The following CNTN5 variants were observed in gnomAD, a reference collection of about 807,000 sequenced individuals.
CNTN5 encodes contactin 5, also known as contactin-5.
A neutral mutation model predicts 129.1 loss-of-function variants in CNTN5; 77 were observed. The observed-to-expected ratio is 0.60, with a 90% CI of 0.50 to 0.72. The LOEUF (loss-of-function observed/expected upper bound fraction) is 0.72. Ranked by LOEUF, CNTN5 falls within the 30% of genes least tolerant of loss-of-function variation. The probability of loss-of-function intolerance (pLI) is 0.00; values close to 1 mark genes in which losing one functional copy is unlikely to be tolerated. For synonymous variants in CNTN5, 509 were observed against 465.6 expected, an observed-to-expected ratio of 1.09 and a Z score of -1.20; for missense variants, 1,478 against 1,328.8, an observed-to-expected ratio of 1.11 and a Z score of -1.75.
intron 4 of CNTN5, among the ~76,000 whole-genome samples, chr11:99,844,241 T>C (rs1346745172): frequency 6.6e-6 from 1 of 152,224 alleles, no homozygotes; most frequent in Non-Finnish European, 1.5e-5. Context: ...GACTATTTAG[T>C]TGTATAAAGT....
chr11:99,619,316 A>T (rs1950857320), intron 3 of CNTN5, among the ~76,000 whole-genome samples: 2 of 152,156 alleles, frequency 1.3e-5, no homozygotes, highest in Admixed American at 1.3e-4. Flanking sequence ...TTTAATTCTG[A>T]GTTTGTAAAA....
At chr11:99,552,308 A>C (rs1227612421) in intron 2 of CNTN5, among the ~76,000 whole-genome samples, 1 of 151,844 alleles carries the variant, frequency 6.6e-6, no homozygotes, top group Admixed American at 6.6e-5. Flanking sequence ...ATAATTGAAT[A>C]CTTTCTATGG....
chr11:99,780,629 T>C (rs1165965596), intron 3 of CNTN5, among the ~76,000 whole-genome samples: 1 of 152,050 alleles, frequency 6.6e-6, no homozygotes, highest in Non-Finnish European at 1.5e-5. Context: ...TAATGGACAA[T>C]ATTAAAATTT....
chr11:99,364,140 G>A (rs1383520773), intron 2 of CNTN5, among the ~76,000 whole-genome samples: 1 of 152,036 alleles, frequency 6.6e-6, no homozygotes, highest in Non-Finnish European at 1.5e-5. Context: ...ATACAATAAA[G>A]AGAAAAAGGT....
In CNTN5 at chr11:100,191,181, G is replaced by C. The variant is rs199944780; in HGVS notation, c.1636G>C (p.Glu546Gln). The C allele has an allele frequency of 5.0e-6, 8 of 1,611,686 alleles. No homozygotes were observed. In the South Asian group the frequency reaches 8.8e-5, roughly 18 times the overall value. ...LRILNASKSD[E>Q]GKYVCRGENV... The stretch of plus-strand genomic sequence containing the variant: ...GATCCTAAATGCTTCCAAATCAGAC[G>C]AGGGAAAGTACGTTTGCCGAGGGGA... Residue 546 changes from glutamate (E) to glutamine (Q), a missense_variant, in exon 14 of 25, where the codon GAG becomes CAG. Physicochemically the swap from Glu to Gln is conservative, Grantham distance 29. Transcript: ENST00000524871.
chr11:99,610,365 C>G (rs1565345827), intron 3 of CNTN5, among the ~76,000 whole-genome samples: 1 of 152,098 alleles, frequency 6.6e-6, no homozygotes, highest in Non-Finnish European at 1.5e-5. Flanking sequence ...TATAGATTCT[C>G]AGTCCCACAC....
chr11:100,042,834 C>T (rs576500613), intron 9 of CNTN5, among the ~76,000 whole-genome samples: 173 of 152,234 alleles, frequency 1.1e-3, no homozygotes, highest in Admixed American at 2.9e-3. Flanking sequence ...GCATCATCCT[C>T]GGTATGATAT....
At chr11:100,190,316 T>C (rs1948441292) in intron 13 of CNTN5, among the ~76,000 whole-genome samples, 1 of 152,084 alleles carries the variant, frequency 6.6e-6, no homozygotes, top group African/African-American at 2.4e-5. Flanking sequence ...GTCGATGCAC[T>C]GGTGAAATAA....
chr11:100,042,048 G>T (rs186954630), intron 9 of CNTN5, among the ~76,000 whole-genome samples: 8 of 152,190 alleles, frequency 5.3e-5, no homozygotes, highest in African/African-American at 1.9e-4. Flanking sequence ...CGACAATGTG[G>T]TCCCCTGCCT....
chr11:100,017,065 C>A (rs1201446367), intron 9 of CNTN5, among the ~76,000 whole-genome samples: 1 of 151,808 alleles, frequency 6.6e-6, no homozygotes, highest in Non-Finnish European at 1.5e-5. Context: ...CATTTTTATT[C>A]CCACTTTTCT....
intron 18 of CNTN5, among the ~76,000 whole-genome samples, chr11:100,276,009 A>T (rs548544250): frequency 6.6e-6 from 1 of 152,202 alleles, no homozygotes; most frequent in Non-Finnish European, 1.5e-5. Flanking sequence ...ATGCTGCTCT[A>T]AAGAGCCAAC....
chr11:100,033,806 C>A (rs747207896), intron 9 of CNTN5, among the ~76,000 whole-genome samples: 1 of 152,134 alleles, frequency 6.6e-6, no homozygotes, highest in Admixed American at 6.6e-5. Flanking sequence ...TGGCTAATTG[C>A]GACACTCACC....
At chr11:99,770,245 A>C (rs1944898833) in intron 3 of CNTN5, among the ~76,000 whole-genome samples, 1 of 152,068 alleles carries the variant, frequency 6.6e-6, no homozygotes, top group African/African-American at 2.4e-5. Flanking sequence ...TTTAGTTTTT[A>C]AAAAATATAA....
At chr11:100,006,602 C>T (rs1244529401) in intron 9 of CNTN5, among the ~76,000 whole-genome samples, 2 of 152,144 alleles carry the variant, frequency 1.3e-5, no homozygotes, top group Admixed American at 6.6e-5. Context: ...GTCACATCTT[C>T]CTGTTCCACT....
At chr11:99,460,262 T>G (rs1944645390) in intron 2 of CNTN5, among the ~76,000 whole-genome samples, 2 of 151,466 alleles carry the variant, frequency 1.3e-5, no homozygotes, top group African/African-American at 4.8e-5. Flanking sequence ...AAGAAATATT[T>G]AAGAAATTAT....
At chr11:99,612,759 C>T (rs1950629477) in intron 3 of CNTN5, among the ~76,000 whole-genome samples, 1 of 152,134 alleles carries the variant, frequency 6.6e-6, no homozygotes, top group African/African-American at 2.4e-5. Flanking sequence ...TCATATGATT[C>T]CCTCTTTCAA....
chr11:99,965,192 C>G (rs1951061369), intron 8 of CNTN5, among the ~76,000 whole-genome samples: 1 of 152,004 alleles, frequency 6.6e-6, no homozygotes, highest in South Asian at 2.1e-4. Context: ...TTATTTCTTG[C>G]CTTCTGCTAG....
intron 3 of CNTN5, among the ~76,000 whole-genome samples, chr11:99,664,912 C>A (rs1205927613): frequency 1.6e-4 from 25 of 152,158 alleles, no homozygotes. Flanking sequence ...ATGTGGAATG[C>A]CAAATGTTGT....
At chr11:100,130,658 A>C (rs1013527195) in intron 13 of CNTN5, among the ~76,000 whole-genome samples, 1 of 151,936 alleles carries the variant, frequency 6.6e-6, no homozygotes, top group African/African-American at 2.4e-5. Flanking sequence ...GGGCTTACTT[A>C]TTGTTAGTTT....
Sources: gnomAD v4.1 joint callset for allele counts (sites outside exome capture counted in the v4.1 genomes callset) on GRCh38, gnomAD v4.1.1 for gene constraint, MANE v1.5 for transcripts, NCBI Gene and HGNC (gene_info 2026-07-23, HGNC 2026-07-21) for gene names.